ACYP2: variants seen among roughly 807,000 people sequenced by gnomAD.
ACYP2 encodes acylphosphatase-2.
A neutral mutation model predicts 11.2 loss-of-function variants in ACYP2; 12 were observed. The observed-to-expected ratio is 1.08, with a 90% CI of 0.69 to 1.74. The LOEUF is 1.74. ACYP2 is among the 40% of genes most tolerant of loss of function. ACYP2 has a pLI of 0.00. For missense variants in ACYP2, 134 were observed against 101.9 expected, an observed-to-expected ratio of 1.31 and a Z score of -1.35; for synonymous variants, 43 against 32.2, an observed-to-expected ratio of 1.33 and a Z score of -1.13.
At chr2:54,087,027 G>A (rs928674098) in intron 4 of ACYP2, among the ~76,000 whole-genome samples, 5 of 152,178 alleles carry the variant, frequency 3.3e-5, no homozygotes, top group African/African-American at 7.2e-5. Flanking sequence ...ATAGATTAAC[G>A]TTTTCTACTA....
intron 4 of ACYP2, among the ~76,000 whole-genome samples, chr2:54,109,410 GA>G (rs1679338783): frequency 6.6e-6 from 1 of 151,594 alleles, no homozygotes; most frequent in African/African-American, 2.4e-5. Context: ...ATACTCGGGG[GA>G]AAGGGTGGGA....
Position 54,152,736 on chromosome 2 carries a change from C to T in ACYP2, c.404+13988C>T, listed in dbSNP as rs1030217758. Among the ~76,000 whole-genome samples, 6 of 152,206 alleles carry T rather than the reference C, an allele frequency of 3.9e-5. No homozygotes were observed. The East Asian group carries it at 1.2e-3, about 29-fold the overall frequency. ...TTTATGGCTTGACATTTCATTTCTT[C>T]TTATTGCTGAATACTATTTTATTGT... is the stretch of plus-strand genomic sequence containing the variant. On this transcript the variant is annotated intron_variant, in intron 6 of 6. Coordinates refer to ENST00000607452, the MANE Select transcript of ACYP2 (RefSeq NM_001320586.2).
intron 2 of ACYP2, among the ~76,000 whole-genome samples, chr2:54,032,808 G>A (rs549875345): frequency 3.3e-5 from 5 of 152,062 alleles, no homozygotes; most frequent in African/African-American, 9.7e-5. Flanking sequence ...ACCACTGTTC[G>A]ATGAAATAAA....
At chr2:54,176,811 C>CAA (rs1683483446) in intron 6 of ACYP2, among the ~76,000 whole-genome samples, 1 of 152,154 alleles carries the variant, frequency 6.6e-6, no homozygotes, top group South Asian at 2.1e-4. Flanking sequence ...TGAGAGGGTA[C>CAA]CAAAGTCTAG....
intron 6 of ACYP2, among the ~76,000 whole-genome samples, chr2:54,225,807 C>A (rs1217830891): frequency 2.0e-5 from 3 of 151,304 alleles, no homozygotes; most frequent in African/African-American, 7.3e-5. Context: ...TTACTTGTTT[C>A]TTAGACAAAT....
rs1475837483 is a variant in ACYP2 at position 53,973,906 on chromosome 2, TA to T, written c.62+97del. Reference sequence around the variant, plus strand: ...GTGTGTGTGTGTGTGTGTGTGTATATATTTTTTTTTTTTTTTTTTTTTTTGA... The same window carrying T: ...GTGTGTGTGTGTGTGTGTGTGTATATTTTTTTTTTTTTTTTTTTTTTTTGA... On this transcript the variant is annotated intron_variant, in intron 2 of 6. Transcript: ENST00000607452. 1.2e-3 allele frequency: 140 copies of T among 112,406 alleles called. 7 individuals are homozygous for T. The highest frequency in any genetic ancestry group is 1.9e-3 in the Non-Finnish European group (105 of 55,190). 7.0% of individuals were successfully genotyped at this position (112,406 alleles called of 1,614,324 possible). A position where few individuals can be genotyped will look rare whatever the true frequency, so the allele number is the denominator to read the frequency against.
chr2:54,237,939 T>C (rs1375221940), intron 6 of ACYP2, among the ~76,000 whole-genome samples: 1 of 152,194 alleles, frequency 6.6e-6, no homozygotes, highest in Non-Finnish European at 1.5e-5. Flanking sequence ...CCTGCCGTAC[T>C]CTCGTTACTC....
rs144666763 is a variant in ACYP2, at chr2:54,217,466, A to C, written c.404+78718A>C. On this transcript the variant is annotated intron_variant, in intron 6 of 6. Coordinates refer to ENST00000607452, the MANE Select transcript of ACYP2 (RefSeq NM_001320586.2). Reference sequence around the variant, plus strand: ...ACTGTGGCCTCTACCTCCTGGGCTCAAGCGACTTTCCTACCTTAGCCTCCC... The same window carrying C: ...ACTGTGGCCTCTACCTCCTGGGCTCCAGCGACTTTCCTACCTTAGCCTCCC... Among the ~76,000 whole-genome samples the C allele has an allele frequency of 2.1e-3, 315 of 152,152 alleles. 1 individual carries two copies. Among genetic ancestry groups the C allele is most frequent in the African/African-American group, 7.2e-3 (301 of 41,522 alleles).
intron 4 of ACYP2, among the ~76,000 whole-genome samples, chr2:54,076,359 A>T (rs987614128): frequency 6.6e-6 from 1 of 152,218 alleles, no homozygotes; most frequent in Non-Finnish European, 1.5e-5. Context: ...TAAAAATAGC[A>T]TATCTAGTCT....
At chr2:54,204,424 C>A (rs184979095) in intron 6 of ACYP2, among the ~76,000 whole-genome samples, 124 of 152,000 alleles carry the variant, frequency 8.2e-4, no homozygotes, top group African/African-American at 2.6e-3. Context: ...AGATTGGACA[C>A]CCCTGGATTA....
intron 4 of ACYP2, among the ~76,000 whole-genome samples, chr2:54,133,723 C>T (rs1185762409): frequency 6.6e-6 from 1 of 152,166 alleles, no homozygotes; most frequent in Non-Finnish European, 1.5e-5. Flanking sequence ...GTCATTGCTG[C>T]AATTCCCAGG....
chr2:54,179,854 C>T (rs915099703), intron 6 of ACYP2, among the ~76,000 whole-genome samples: 13 of 152,120 alleles, frequency 8.5e-5, no homozygotes, highest in Non-Finnish European at 1.5e-4. Context: ...AGTTTTGAGG[C>T]TTATTTTACC....
intron 6 of ACYP2, among the ~76,000 whole-genome samples, chr2:54,228,285 T>A (rs1283265254): frequency 1.3e-5 from 2 of 152,236 alleles, no homozygotes; most frequent in African/African-American, 4.8e-5. Flanking sequence ...GTGCAGTCTG[T>A]AATTCTGTAA....
intron 2 of ACYP2, among the ~76,000 whole-genome samples, chr2:54,029,057 C>T (rs1674444590): frequency 6.6e-6 from 1 of 152,044 alleles, no homozygotes. Flanking sequence ...CCCAGCTACT[C>T]AGGAGGCCGA....
rs557371449 is a variant in ACYP2 at position 54,071,288 on chromosome 2, A to G, written c.277+13928A>G. Among the ~76,000 whole-genome samples, 33 of 152,300 alleles carry G rather than the reference A, an allele frequency of 2.2e-4. No individual in the cohort carries two copies. In the East Asian group the frequency reaches 6.4e-3, roughly 29 times the overall value. On this transcript the variant is annotated intron_variant, in intron 4 of 6. Coordinates refer to ENST00000607452, the MANE Select transcript of ACYP2 (RefSeq NM_001320586.2). Reference sequence around the variant, plus strand: ...CACTGCACTACAGATTCTAGCCAGGACAATGATGTAAGAAAAAGAAATGAA... The same window carrying G: ...CACTGCACTACAGATTCTAGCCAGGGCAATGATGTAAGAAAAAGAAATGAA...
intron 3 of ACYP2, among the ~76,000 whole-genome samples, chr2:54,056,926 C>A (rs1256698083): frequency 6.6e-6 from 1 of 152,008 alleles, no homozygotes; most frequent in Non-Finnish European, 1.5e-5. Flanking sequence ...TTCATTTATT[C>A]ATTATATATG....
At chr2:54,180,813 C>T (rs764286446) in intron 6 of ACYP2, among the ~76,000 whole-genome samples, 1 of 152,140 alleles carries the variant, frequency 6.6e-6, no homozygotes, top group Non-Finnish European at 1.5e-5. Context: ...CCTCAGCCTC[C>T]GAAAATTCTG....
intron 4 of ACYP2, chr2:54,115,334 A>C: frequency 2.0e-6 from 1 of 496,596 alleles, no homozygotes; most frequent in Non-Finnish European, 3.5e-6. Context: ...AGCTGGGGGA[A>C]GCCACTCTTT....
chr2:54,088,147 TC>T (rs1678036213), intron 4 of ACYP2, among the ~76,000 whole-genome samples: 1 of 152,148 alleles, frequency 6.6e-6, no homozygotes, highest in Non-Finnish European at 1.5e-5. Flanking sequence ...TAGCAACTCT[TC>T]TAGTGGAGCC....
Sources: allele counts gnomAD v4.1 joint callset (sites outside exome capture counted in the v4.1 genomes callset), GRCh38; gene constraint gnomAD v4.1.1; transcripts MANE v1.5; gene names NCBI Gene and HGNC (gene_info 2026-07-23, HGNC 2026-07-21).